The following AGBL4 variants were observed in gnomAD, a reference collection of about 807,000 sequenced individuals.
AGBL4 encodes the protein cytosolic carboxypeptidase 6.
AGBL4 carries 58 observed loss-of-function variants against 66.4 expected under a neutral mutation model. That is an observed-to-expected ratio of 0.87 (90% CI 0.71 to 1.09). AGBL4 has a LOEUF of 1.09. Ranked by LOEUF, AGBL4 falls within the 50% of genes least tolerant of loss-of-function variation. AGBL4 has a pLI of 0.00. For missense variants in AGBL4, 579 were observed against 631.0 expected (o/e 0.92, Z 0.88); for synonymous variants, 234 against 222.9 (o/e 1.05, Z -0.44).
chr1:49,639,211 T>C, intron 3 of AGBL4, among the ~76,000 whole-genome samples: 1 of 152,158 alleles, frequency 6.6e-6, no homozygotes, highest in East Asian at 1.9e-4. Flanking sequence ...AACATAGATC[T>C]AGTCGCAGTG....
intron 3 of AGBL4, among the ~76,000 whole-genome samples, chr1:49,680,003 T>A (rs1054400478): frequency 3.3e-5 from 5 of 151,874 alleles, no homozygotes; most frequent in East Asian, 3.9e-4. Context: ...TGTTTTTTTT[T>A]AAATTCATTC....
intron 6 of AGBL4, among the ~76,000 whole-genome samples, chr1:48,670,439 G>A (rs1304699660): frequency 6.6e-6 from 1 of 152,250 alleles, no homozygotes; most frequent in Non-Finnish European, 1.5e-5. Context: ...GCTGGCACCT[G>A]GAAAGTAGCC....
intron 4 of AGBL4, among the ~76,000 whole-genome samples, chr1:49,078,451 G>T (rs1456329168): frequency 1.3e-5 from 2 of 152,168 alleles, no homozygotes; most frequent in South Asian, 2.1e-4. Flanking sequence ...TTTCTTCAGT[G>T]GTACTAACCA....
intron 5 of AGBL4, among the ~76,000 whole-genome samples, chr1:48,913,483 C>T (rs550874685): frequency 6.6e-6 from 1 of 152,244 alleles, no homozygotes; most frequent in East Asian, 1.9e-4. Flanking sequence ...ATCTGATCTC[C>T]ACCTCCTGTC....
intron 2 of AGBL4, among the ~76,000 whole-genome samples, chr1:49,834,165 C>G (rs894806286): frequency 6.6e-6 from 1 of 152,112 alleles, no homozygotes; most frequent in African/African-American, 2.4e-5. Flanking sequence ...ATGGTACCAG[C>G]TACTCTTTGT....
intron 6 of AGBL4, among the ~76,000 whole-genome samples, chr1:48,769,357 C>A (rs1644689642): frequency 6.6e-6 from 1 of 152,158 alleles, no homozygotes; most frequent in Non-Finnish European, 1.5e-5. Flanking sequence ...ACAGAAAAAA[C>A]TGGGAAGTTC....
intron 1 of AGBL4, among the ~76,000 whole-genome samples, chr1:49,925,522 T>TTGAGCTTGGGTG (rs1341449035): frequency 6.6e-6 from 1 of 152,140 alleles, no homozygotes; most frequent in Non-Finnish European, 1.5e-5. Context: ...GGACTTTGTC[T>TTGAGCTTGGGTG]TGAGCTTGGG....
chr1:48,918,484 A>G (rs1653799469), intron 5 of AGBL4, among the ~76,000 whole-genome samples: 1 of 152,096 alleles, frequency 6.6e-6, no homozygotes, highest in African/African-American at 2.4e-5. Flanking sequence ...TTTATGTTGA[A>G]ATCCTAACCT....
In AGBL4 at chr1:49,656,146, C is replaced by CA. The variant is rs545673143; in HGVS notation, c.282+41166dup. On this transcript the variant is annotated intron_variant, in intron 3 of 13. Transcript: ENST00000371839. ...TGGGCGACAGAGTGAGACTCCGTCT[C>CA]AAAAAAAAAAAAAATGATAAAGGGG... Among the ~76,000 whole-genome samples the CA allele has an allele frequency of 9.2e-3, 1,005 of 108,782 alleles. 8 individuals are homozygous for CA. The highest frequency in any genetic ancestry group is 0.022 in the African/African-American group (635 of 29,346). 71.4% of individuals were successfully genotyped at this position (108,782 alleles called of 152,430 possible).
intron 3 of AGBL4, among the ~76,000 whole-genome samples, chr1:49,551,823 A>G (rs1652981811): frequency 6.6e-6 from 1 of 152,178 alleles, no homozygotes; most frequent in Admixed American, 6.5e-5. Context: ...GGTAGTATAG[A>G]GAGGAAACAG....
intron 5 of AGBL4, among the ~76,000 whole-genome samples, chr1:48,931,308 ATTCT>A (rs1428006471): frequency 1.3e-5 from 2 of 152,156 alleles, no homozygotes; most frequent in Non-Finnish European, 2.9e-5. Context: ...AGCTAGACAA[ATTCT>A]TTCAGCCATA....
At chr1:49,990,782 A>T (rs888050387) in intron 1 of AGBL4, among the ~76,000 whole-genome samples, 5 of 152,202 alleles carry the variant, frequency 3.3e-5, no homozygotes, top group African/African-American at 1.2e-4. Context: ...ACTACAGTAT[A>T]ATACCTCTGA....
chr1:49,728,844 G>C (rs1649221546), intron 2 of AGBL4, among the ~76,000 whole-genome samples: 1 of 152,112 alleles, frequency 6.6e-6, no homozygotes, highest in Non-Finnish European at 1.5e-5. Flanking sequence ...AGTCTTCAAA[G>C]GGCAGGCTTG....
chr1:48,675,008 A>C (rs1222135347), intron 6 of AGBL4, among the ~76,000 whole-genome samples: 1 of 152,156 alleles, frequency 6.6e-6, no homozygotes, highest in African/African-American at 2.4e-5. Context: ...TCTTATTCAT[A>C]TCTTCCTGGC....
chr1:49,975,764 T>C (rs936109963), intron 1 of AGBL4, among the ~76,000 whole-genome samples: 14 of 152,322 alleles, frequency 9.2e-5, no homozygotes, highest in African/African-American at 3.1e-4. Context: ...AATGAAAGAT[T>C]AACAATATTT....
intron 5 of AGBL4, among the ~76,000 whole-genome samples, chr1:48,944,309 G>A (rs1278487028): frequency 1.3e-5 from 2 of 152,066 alleles, no homozygotes; most frequent in East Asian, 3.9e-4. Flanking sequence ...GCTGAGTTGA[G>A]TTTTCTCCTT....
intron 6 of AGBL4, among the ~76,000 whole-genome samples, chr1:48,856,284 AAAG>A (rs1328306247): frequency 6.6e-6 from 1 of 152,226 alleles, no homozygotes; most frequent in African/African-American, 2.4e-5. Flanking sequence ...TTAAGTGAAA[AAAG>A]ATGTATATAA....
intron 6 of AGBL4, among the ~76,000 whole-genome samples, chr1:48,844,462 A>G (rs959270900): frequency 6.6e-6 from 1 of 152,250 alleles, no homozygotes; most frequent in African/African-American, 2.4e-5. Flanking sequence ...ACCAGTGATT[A>G]CTATGTTCTT....
At chr1:49,268,594 C>T (rs192063898) in intron 3 of AGBL4, among the ~76,000 whole-genome samples, 2 of 151,964 alleles carry the variant, frequency 1.3e-5, no homozygotes, top group Non-Finnish European at 2.9e-5. Flanking sequence ...CAGTGCTTTG[C>T]CTTCCTTTTA....
Sources: allele counts gnomAD v4.1 joint callset (sites outside exome capture counted in the v4.1 genomes callset), GRCh38; gene constraint gnomAD v4.1.1; transcripts MANE v1.5; gene names NCBI Gene and HGNC (gene_info 2026-07-23, HGNC 2026-07-21).